Variants in AGBL1 observed in about 807,000 individuals in gnomAD.
AGBL1 encodes AGBL carboxypeptidase 1, also known as cytosolic carboxypeptidase 4.
In AGBL1, 130 loss-of-function variants were observed where a neutral mutation model predicts 118.9. The observed-to-expected ratio is 1.09, with a 90% CI of 0.95 to 1.26. The LOEUF is 1.26. AGBL1 is among the 50% of genes most tolerant of loss of function. The pLI, the probability that AGBL1 is intolerant of heterozygous loss-of-function variation, is 0.00. For missense variants in AGBL1, 1,584 were observed against 1,298.1 expected, an observed-to-expected ratio of 1.22 and a Z score of -3.38; for synonymous variants, 555 against 478.9, an observed-to-expected ratio of 1.16 and a Z score of -2.08.
intron 24 of AGBL1, among the ~76,000 whole-genome samples, chr15:86,996,905 T>G (rs2081385407): frequency 6.6e-6 from 1 of 152,148 alleles, no homozygotes; most frequent in African/African-American, 2.4e-5. Flanking sequence ...TGCTCCCTTT[T>G]AATACTCCAA....
chr15:86,322,092 T>C (rs933111137), intron 17 of AGBL1, among the ~76,000 whole-genome samples: 1 of 150,792 alleles, frequency 6.6e-6, no homozygotes, highest in East Asian at 1.9e-4. Flanking sequence ...TTTGTAACTA[T>C]CTCGTGTGCA....
rs78600040 is a variant in AGBL1, at chr15:86,110,526, C to T, written c.51+30503C>T. On this transcript the variant is annotated intron_variant, in intron 1 of 22. Transcript: ENST00000614907. The stretch of plus-strand genomic sequence containing the variant: ...TAGGTCGAGAAGGAGAAGGAAGAGG[C>T]GGGGTTGGTCTTGCTGTCTCAGGGG... Among the ~76,000 whole-genome samples the T allele has an allele frequency of 5.7e-4, 86 of 151,952 alleles. 1 individual carries two copies. The East Asian group carries it at 0.016, about 28-fold the overall frequency.
At chr15:86,959,056 C>T (rs989249258) in intron 23 of AGBL1, among the ~76,000 whole-genome samples, 5 of 152,046 alleles carry the variant, frequency 3.3e-5, no homozygotes, top group Non-Finnish European at 5.9e-5. Context: ...AAAATATTCC[C>T]TTTCTGGAAA....
intron 16 of AGBL1, among the ~76,000 whole-genome samples, chr15:86,293,341 A>C (rs1260193327): frequency 6.6e-6 from 1 of 152,102 alleles, no homozygotes; most frequent in East Asian, 1.9e-4. Context: ...TTTCTTCTGG[A>C]GGCTCTGTGG....
At chr15:86,339,694 C>T (rs367737425) in intron 17 of AGBL1, among the ~76,000 whole-genome samples, 11 of 152,152 alleles carry the variant, frequency 7.2e-5, no homozygotes, top group Middle Eastern at 3.4e-3. Context: ...TTCGGCCGGG[C>T]GCAGTGGCTC....
At chr15:86,247,981 T>C in intron 7 of AGBL1, 102 bp downstream of exon 7, 1 of 1,429,996 alleles carries the variant, frequency 7.0e-7, no homozygotes, top group Non-Finnish European at 9.7e-7. Flanking sequence ...AACGCCTCAG[T>C]CTATTTCTTG....
chr15:86,653,176 G>T (rs2085405537), intron 21 of AGBL1, among the ~76,000 whole-genome samples: 1 of 151,048 alleles, frequency 6.6e-6, no homozygotes, highest in Non-Finnish European at 1.5e-5. Context: ...ACCAAAATGA[G>T]TTATGTCAGC....
rs545902105 is a variant in AGBL1, at chr15:86,485,367, T to G, written c.2556-37443T>G. The stretch of plus-strand genomic sequence containing the variant: ...ACCAGCAGAGTTCCACCCATGATTT[T>G]TCACTGCTTATATATGAACAACTAT... On this transcript the variant is annotated intron_variant, in intron 18 of 22. Coordinates refer to ENST00000614907, the MANE Select transcript of AGBL1 (RefSeq NM_001386094.1). Among the ~76,000 whole-genome samples the G allele has an allele frequency of 2.7e-5, 4 of 150,404 alleles. No homozygotes were observed. In the South Asian group the frequency reaches 6.4e-4, roughly 24 times the overall value.
At chr15:86,839,072 C>T (rs1290258961) in intron 22 of AGBL1, among the ~76,000 whole-genome samples, 3 of 150,406 alleles carry the variant, frequency 2.0e-5, no homozygotes, top group African/African-American at 7.3e-5. Flanking sequence ...TATTATAATC[C>T]AAAGGTTGTT....
At chr15:86,525,904 A>G (rs1430234303) in intron 19 of AGBL1, among the ~76,000 whole-genome samples, 1 of 152,206 alleles carries the variant, frequency 6.6e-6, no homozygotes, top group Non-Finnish European at 1.5e-5. Flanking sequence ...TGCATGGCAA[A>G]AGAAATAACA....
intron 6 of AGBL1, among the ~76,000 whole-genome samples, chr15:86,227,974 C>A (rs1050865895): frequency 2.0e-5 from 3 of 152,252 alleles, no homozygotes; most frequent in African/African-American, 7.2e-5. Flanking sequence ...TCATTTAAAT[C>A]GCAAAGTCTG....
At chr15:86,344,788 T>C (rs1273951936) in intron 17 of AGBL1, among the ~76,000 whole-genome samples, 1 of 152,114 alleles carries the variant, frequency 6.6e-6, no homozygotes, top group Non-Finnish European at 1.5e-5. Context: ...ATTAATGTTC[T>C]TATTACCTAA....
At chr15:86,794,801 A>G (rs980156353) in intron 22 of AGBL1, among the ~76,000 whole-genome samples, 2 of 152,238 alleles carry the variant, frequency 1.3e-5, no homozygotes, top group African/African-American at 4.8e-5. Flanking sequence ...TAGCTGGATG[A>G]AAGTAACATT....
chr15:86,948,247 C>T (rs1159365875), intron 23 of AGBL1, among the ~76,000 whole-genome samples: 1 of 151,996 alleles, frequency 6.6e-6, no homozygotes, highest in Non-Finnish European at 1.5e-5. Flanking sequence ...TGAAATACAC[C>T]AATGAGCACC....
intron 16 of AGBL1, among the ~76,000 whole-genome samples, chr15:86,294,055 C>T (rs972776783): frequency 1.3e-5 from 2 of 152,016 alleles, no homozygotes. Context: ...CTCTCTATGA[C>T]TGGTGCCCCT....
At chr15:86,511,125 T>A (rs905308242) in intron 18 of AGBL1, among the ~76,000 whole-genome samples, 4 of 152,070 alleles carry the variant, frequency 2.6e-5, no homozygotes, top group Admixed American at 2.6e-4. Flanking sequence ...TTATATGACA[T>A]TTTTGTCTTT....
chr15:86,902,087 T>C (rs2080219566), intron 22 of AGBL1, among the ~76,000 whole-genome samples: 1 of 152,164 alleles, frequency 6.6e-6, no homozygotes, highest in Admixed American at 6.5e-5. Context: ...CATGTGCAGG[T>C]TTCAGTGTGG....
chr15:86,599,280 T>G (rs945211364), intron 21 of AGBL1, among the ~76,000 whole-genome samples: 1 of 152,092 alleles, frequency 6.6e-6, no homozygotes, highest in Non-Finnish European at 1.5e-5. Flanking sequence ...CCCTAAAAAT[T>G]TGTTGTATTT....
rs371124648 is a variant in AGBL1 at position 86,471,008 on chromosome 15, C to A, written c.2556-51802C>A. Among the ~76,000 whole-genome samples, 15 of 152,106 alleles carry A rather than the reference C, an allele frequency of 9.9e-5. No homozygotes were observed. The South Asian group carries it at 1.7e-3, about 17-fold the overall frequency. On this transcript the variant is annotated intron_variant, in intron 18 of 22. Transcript: ENST00000614907. ...ACTTATTCCTTTTCAATTTTTATGC[C>A]TTTTATTTCCTTTTCTTGCCAAATT... is the stretch of plus-strand genomic sequence containing the variant.
Sources: allele counts gnomAD v4.1 joint callset (sites outside exome capture counted in the v4.1 genomes callset), GRCh38; gene constraint gnomAD v4.1.1; transcripts MANE v1.5; gene names NCBI Gene and HGNC (gene_info 2026-07-23, HGNC 2026-07-21).